RANBP2: variants seen among roughly 807,000 people sequenced by gnomAD.
RANBP2 encodes RAN binding protein 2.
A neutral mutation model predicts 303.6 loss-of-function variants in RANBP2; 57 were observed. The observed-to-expected ratio is 0.19, with a 90% CI of 0.15 to 0.23. RANBP2 has a LOEUF of 0.23. Among genes scored for constraint, RANBP2 ranks in the 10% least tolerant of loss-of-function variants. The pLI is 1.00. For missense variants in RANBP2, 3,138 were observed against 3,780.8 expected, an observed-to-expected ratio of 0.83 and a Z score of 4.46; for synonymous variants, 1,167 against 1,301.5, an observed-to-expected ratio of 0.90 and a Z score of 2.23.
chr2:108,756,231 A>G lies in RANBP2; in HGVS notation c.2466+972A>G, dbSNP rs1676307693. Reference sequence around the variant, plus strand: ...ATTAGCTGTGGATTACATGTGTTTCAAATGTATAGCTAGGAATTGAAAAGT... The same window carrying G: ...ATTAGCTGTGGATTACATGTGTTTCGAATGTATAGCTAGGAATTGAAAAGT... On this transcript the variant is annotated intron_variant, in intron 17 of 28. Coordinates refer to ENST00000283195, the MANE Select transcript of RANBP2 (RefSeq NM_006267.5). 2.6e-5 allele frequency among the ~76,000 whole-genome samples: 4 copies of G among 152,316 alleles called. No homozygotes were observed. In the South Asian group the frequency reaches 8.3e-4, roughly 32 times the overall value.
the RANBP2 span, among the ~76,000 whole-genome samples, chr2:108,828,562 AT>A: frequency 7.2e-5 from 11 of 152,232 alleles, no homozygotes; most frequent in African/African-American, 2.7e-4. Flanking sequence ...TAGTCCAATG[AT>A]TTTTGACAAG....
chr2:108,752,856 A>G (rs1558904488), intron 12 of RANBP2, 142 bp from the exon 13 acceptor site: 11 of 1,539,774 alleles, frequency 7.1e-6, no homozygotes, highest in Admixed American at 3.7e-5. Context: ...TTATTACAGT[A>G]TTTGGAAGTT....
chr2:108,864,747 G>A, the RANBP2 span, among the ~76,000 whole-genome samples: 2 of 149,250 alleles, frequency 1.3e-5, no homozygotes, highest in African/African-American at 4.9e-5. Context: ...TGAGTTGAGA[G>A]TGTGCCTCTG....
At chr2:109,229,181 CA>C in the RANBP2 span, among the ~76,000 whole-genome samples, 2 of 152,156 alleles carry the variant, frequency 1.3e-5, no homozygotes, top group Non-Finnish European at 2.9e-5. Flanking sequence ...GAACCAGGGA[CA>C]AAGACCAAAT....
chr2:109,407,019 G>C, the RANBP2 span, among the ~76,000 whole-genome samples: 3 of 152,188 alleles, frequency 2.0e-5, no homozygotes, highest in African/African-American at 7.2e-5. Context: ...CCAAAGTAAG[G>C]CTAGTGTGGC....
the RANBP2 span, among the ~76,000 whole-genome samples, chr2:108,915,714 T>C: frequency 1.8e-4 from 28 of 152,088 alleles, no homozygotes; most frequent in South Asian, 5.8e-3. Flanking sequence ...CTGGCCAACA[T>C]GGTGAAACCC....
chr2:109,617,746 T>TGGTGGCTCATGG, the RANBP2 span: 2 of 166,510 alleles, frequency 1.2e-5, no homozygotes, highest in Admixed American at 6.6e-5. Context: ...AGGCCAGGCA[T>TGGTGGCTCATGG]GGTGGCTCAT....
chr2:109,539,353 G>C, the RANBP2 span, among the ~76,000 whole-genome samples: 1 of 152,062 alleles, frequency 6.6e-6, no homozygotes, highest in African/African-American at 2.4e-5. Flanking sequence ...AATGTATGTA[G>C]CCATGTGACC....
the RANBP2 span, among the ~76,000 whole-genome samples, chr2:108,924,113 G>T: frequency 6.6e-6 from 1 of 152,330 alleles, no homozygotes; most frequent in African/African-American, 2.4e-5. Flanking sequence ...TTACGCTGGG[G>T]CTGCACACAC....
In RANBP2 at chr2:108,775,904, G is replaced by C. The variant is rs777900501; in HGVS notation, c.8465G>C (p.Arg2822Thr). 1.2e-6 allele frequency: 2 copies of C among 1,611,964 alleles called. No individual in the cohort carries two copies. Among genetic ancestry groups the C allele is most frequent in the Non-Finnish European group, 1.7e-6 (2 of 1,179,848 alleles). ...GACAAACCTGTAGATTTGTCAACTA[G>C]AAAGGAAATTGATACAGATTCTACA... Reference protein sequence around the residue: ...TMDKPVDLSTRKEIDTDSTSQ... With the variant: ...TMDKPVDLSTTKEIDTDSTSQ... Residue 2822 changes from arginine (R) to threonine (T), a missense_variant, in exon 24 of 29, where the codon AGA (arginine) becomes ACA (threonine). Coordinates refer to ENST00000283195, the MANE Select transcript of RANBP2 (RefSeq NM_006267.5).
At chr2:109,323,038 C>T in the RANBP2 span, among the ~76,000 whole-genome samples, 19 of 152,130 alleles carry the variant, frequency 1.2e-4, no homozygotes, top group South Asian at 8.3e-4. Flanking sequence ...TAGGTGGTCT[C>T]GTTGAAATGT....
At chr2:108,871,219 A>G in the RANBP2 span, among the ~76,000 whole-genome samples, 92 of 152,126 alleles carry the variant, frequency 6.0e-4, 1 homozygote, top group African/African-American at 2.1e-3. Flanking sequence ...AAAATGGATT[A>G]GAGTCATAAA....
chr2:109,293,902 G>C, the RANBP2 span, among the ~76,000 whole-genome samples: 1 of 152,172 alleles, frequency 6.6e-6, no homozygotes, highest in African/African-American at 2.4e-5. Context: ...GCTTGTTGCC[G>C]AGTAGCCCTG....
the RANBP2 span, among the ~76,000 whole-genome samples, chr2:108,970,654 A>G: frequency 6.6e-6 from 1 of 152,180 alleles, no homozygotes; most frequent in Non-Finnish European, 1.5e-5. Context: ...CTTCCTGCTC[A>G]GGGGATGGGA....
At chr2:108,997,244 A>T in the RANBP2 span, among the ~76,000 whole-genome samples, 1 of 151,990 alleles carries the variant, frequency 6.6e-6, no homozygotes, top group South Asian at 2.1e-4. Flanking sequence ...GATCGAGACC[A>T]ACCTGGCTAA....
At chr2:109,266,571 T>C in the RANBP2 span, among the ~76,000 whole-genome samples, 1 of 151,910 alleles carries the variant, frequency 6.6e-6, no homozygotes, top group Admixed American at 6.6e-5. Context: ...CCAGGGACGT[T>C]TTGTGCCTGA....
chr2:109,353,662 T>G, the RANBP2 span, among the ~76,000 whole-genome samples: 3 of 152,182 alleles, frequency 2.0e-5, no homozygotes, highest in African/African-American at 2.4e-5. Context: ...TCCTTCACTC[T>G]TCAGATGTTT....
chr2:109,039,938 T>C, the RANBP2 span, among the ~76,000 whole-genome samples: 2 of 152,158 alleles, frequency 1.3e-5, no homozygotes, highest in African/African-American at 2.4e-5. Flanking sequence ...ACTCTCCCAA[T>C]GGTATCATTT....
intron 16 of RANBP2, 23 bp downstream of exon 16, chr2:108,755,107 A>G: frequency 6.2e-7 from 1 of 1,611,966 alleles, no homozygotes. Flanking sequence ...GAATGGAATC[A>G]TTTCATTGTG....
Sources: allele counts gnomAD v4.1 joint callset (sites outside exome capture counted in the v4.1 genomes callset), GRCh38; gene constraint gnomAD v4.1.1; transcripts MANE v1.5; gene names NCBI Gene and HGNC (gene_info 2026-07-23, HGNC 2026-07-21).